MUC3A: variants seen among roughly 807,000 people sequenced by gnomAD.
MUC3A encodes the protein mucin 3A, cell surface associated.
In MUC3A, 109 loss-of-function variants were observed where a neutral mutation model predicts 109.0. The ratio of observed to expected loss-of-function variants is 1.00; its 90% confidence interval spans 0.86 to 1.17. The LOEUF is 1.17. Ranked by LOEUF, MUC3A falls within the 50% of genes most tolerant of loss-of-function variation. The probability of loss-of-function intolerance (pLI) is 0.00; values close to 1 mark genes in which losing one functional copy is unlikely to be tolerated. For missense variants in MUC3A, 3,537 were observed against 2,469.4 expected (o/e 1.43, Z -9.16); for synonymous variants, 1,398 against 981.4 (o/e 1.42, Z -7.93).
In MUC3A at chr7:100,959,709, T is replaced by C. The variant is rs774543525; in HGVS notation, c.7930T>C (p.Ser2644Pro). Residue 2644 changes from serine to proline, a missense_variant, in exon 2 of 12, where the codon TCT becomes CCT. Physicochemically the swap from Ser to Pro is moderately conservative, Grantham distance 74. Coordinates refer to ENST00000379458, the MANE Select transcript of MUC3A (RefSeq NM_005960.2). ...THSSTLQTTPSTPSLQTSLTS... is the reference protein window; with the variant it reads ...THSSTLQTTPPTPSLQTSLTS... ...TTCCTCCACCCTTCAAACAACTCCT[T>C]CTACTCCCTCATTGCAAACTTCACT... 6.3e-7 allele frequency: 1 copy of C among 1,598,544 alleles called. No individual in the cohort carries two copies. Among genetic ancestry groups the C allele is most frequent in the Non-Finnish European group, 8.5e-7 (1 of 1,179,818 alleles).
chr7:100,959,851 C>A lies in MUC3A; in HGVS notation c.8072C>A (p.Ser2691Tyr), dbSNP rs767260575. The A allele has an allele frequency of 5.7e-6, 9 of 1,565,346 alleles. No homozygotes were observed. In the African/African-American group the frequency reaches 9.4e-5, roughly 16 times the overall value. ...TCCTCAACACCCACTATTATCATGT[C>A]CTCTTCTCCATCTTCTGCCAGCATA... ...IWSSTPTIIMSSSPSSASITP... is the reference protein window; with the variant it reads ...IWSSTPTIIMYSSPSSASITP... The change falls in exon 2 of 12, where the codon TCC becomes TAC. Residue 2691 changes from serine to tyrosine, a missense_variant. By Grantham distance (144) the Ser-to-Tyr change is moderately radical (BLOSUM62 -2). Transcript: ENST00000379458.
intron 1 of MUC3A, among the ~76,000 whole-genome samples, chr7:100,951,338 C>A (rs1275109634): frequency 1.3e-5 from 2 of 152,278 alleles, no homozygotes; most frequent in Admixed American, 6.5e-5. Flanking sequence ...TGTGATGCGC[C>A]CCCTGCCAGG....
chr7:100,963,746 C>G lies in MUC3A; in HGVS notation c.9227C>G (p.Ser3076Cys). Residue 3076 changes from serine (S) to cysteine (C), a missense_variant, in exon 5 of 12, where the codon TCC (serine) becomes TGC (cysteine). Ser to Cys is a moderately radical substitution (Grantham distance 112, BLOSUM62 -1). Transcript: ENST00000379458. ...GFTFKGVEIL[S>C]LRNGSIVVDY... is the part of the protein sequence containing the mutation. Reference sequence around the variant, plus strand: ...ACCTTCAAGGGTGTGGAGATCCTGTCCCTGAGGTAGGAGACCCATCTGGGG... The same window carrying G: ...ACCTTCAAGGGTGTGGAGATCCTGTGCCTGAGGTAGGAGACCCATCTGGGG... 6.3e-7 allele frequency: 1 copy of G among 1,598,568 alleles called. No individual in the cohort carries two copies. The highest frequency in any genetic ancestry group is 8.5e-7 in the Non-Finnish European group (1 of 1,179,830).
Position 100,958,581 on chromosome 7 carries a change from C to CACA in MUC3A, c.6803_6804insCAA (p.His2268_Asp2269insAsn). On this transcript the variant is annotated inframe_insertion, in exon 2 of 12. Transcript: ENST00000379458. The stretch of plus-strand genomic sequence containing the variant: ...GATCACCACCACTGAGACCACCTCA[C>CACA]ATGATACTCCCAGCTTCACTTCTTC... The CACA allele has an allele frequency of 2.4e-6, 3 of 1,258,584 alleles. No homozygotes were observed. Among genetic ancestry groups the CACA allele is most frequent in the South Asian group, 2.6e-5 (2 of 76,474 alleles). The allele number at this position is 1,258,584 out of a possible 1,614,324, so 78.0% of individuals were successfully genotyped here.
chr7:100,960,922 G>C lies in MUC3A; in HGVS notation c.9037G>C (p.Glu3013Gln), dbSNP rs1440221801. ...TGGTTCCAGTTGTGAGTTTGCTGTG[G>C]AACAGGTGGATCTAGGTGAGTTGCC... ...FYGSSCEFAV[E>Q]QVDLDVVETE... Residue 3013 changes from glutamate to glutamine, a missense_variant, in exon 3 of 12, where the codon GAA becomes CAA. By Grantham distance (29) the Glu-to-Gln change is conservative. Coordinates refer to ENST00000379458, the MANE Select transcript of MUC3A (RefSeq NM_005960.2). 6.3e-7 allele frequency: 1 copy of C among 1,598,418 alleles called. No individual in the cohort carries two copies. Among genetic ancestry groups the C allele is most frequent in the Admixed American group, 1.7e-5 (1 of 60,012 alleles).
chr7:100,963,124 G>A, intron 3 of MUC3A, 27 bp from the exon 4 acceptor site: 1 of 1,594,322 alleles, frequency 6.3e-7, no homozygotes, highest in East Asian at 2.2e-5. Flanking sequence ...ACAGAGAAGT[G>A]ACTGGGGACA....
chr7:100,958,564 C>A lies in MUC3A; in HGVS notation c.6785C>A (p.Thr2262Asn), dbSNP rs1029444976. The A allele has an allele frequency of 5.0e-6, 1 of 200,390 alleles. No individual in the cohort carries two copies. The highest frequency in any genetic ancestry group is 6.8e-6 in the Non-Finnish European group (1 of 146,178). 12.4% of individuals were successfully genotyped at this position (200,390 alleles called of 1,614,324 possible). ...CCCAGCTTCACTTCTTCGATCACCA[C>A]CACTGAGACCACCTCACATGATACT... Reference protein sequence around the residue: ...STPSFTSSITTTETTSHDTPS... With the variant: ...STPSFTSSITNTETTSHDTPS... The change falls in exon 2 of 12, where the codon ACC becomes AAC. Residue 2262 changes from threonine to asparagine, a missense_variant. By Grantham distance (65) the Thr-to-Asn change is moderately conservative. Coordinates refer to ENST00000379458, the MANE Select transcript of MUC3A (RefSeq NM_005960.2).
rs372411935 is a variant in MUC3A at position 100,951,853 on chromosome 7, C to T, written c.74C>T (p.Thr25Met). ...GCCGCCAATGCAGGAACTTTATCCACGGCCACATCCATCTCTCAAGTGCCT... is the reference window on the plus strand; with the variant it reads ...GCCGCCAATGCAGGAACTTTATCCATGGCCACATCCATCTCTCAAGTGCCT... ...ASPWATGTLS[T>M]ATSISQVPFP... The change falls in exon 2 of 12, where the codon ACG (threonine) becomes ATG (methionine). Residue 25 changes from threonine (T) to methionine (M), a missense_variant. Coordinates refer to ENST00000379458, the MANE Select transcript of MUC3A (RefSeq NM_005960.2). 456 of 1,595,222 alleles carry T rather than the reference C, an allele frequency of 2.9e-4. No homozygotes were observed. Among genetic ancestry groups the T allele is most frequent in the Admixed American group, 6.0e-4 (36 of 59,958 alleles).
At chr7:100,962,581 C>T (rs1792364816) in intron 3 of MUC3A, among the ~76,000 whole-genome samples, 1 of 152,306 alleles carries the variant, frequency 6.6e-6, no homozygotes. Flanking sequence ...CGCTATCTTT[C>T]TGCCTGCTTT....
chr7:100,959,113 C>G lies in MUC3A; in HGVS notation c.7334C>G (p.Ser2445Cys). 1.9e-6 allele frequency: 3 copies of G among 1,596,886 alleles called. No homozygotes were observed. Among genetic ancestry groups the G allele is most frequent in the South Asian group, 2.2e-5 (2 of 91,006 alleles). Residue 2445 changes from serine to cysteine, a missense_variant, in exon 2 of 12, where the codon TCT becomes TGT. Ser to Cys is a moderately radical substitution (Grantham distance 112). Transcript: ENST00000379458. ...TCAGAGAGTACTCCCAGCCTCAGTT[C>G]TTCAACCATCTACTCCACAGTCAGC... ...TTSESTPSLSSSTIYSTVSTS... is the reference protein window; with the variant it reads ...TTSESTPSLSCSTIYSTVSTS...
In MUC3A at chr7:100,966,489, G is replaced by GTGC. The variant is rs779098676; in HGVS notation, c.9727_9729dup (p.Leu3243dup). 6.1e-6 allele frequency: 8 copies of GTGC among 1,320,986 alleles called. No homozygotes were observed. Among genetic ancestry groups the GTGC allele is most frequent in the Non-Finnish European group, 6.7e-6 (7 of 1,045,326 alleles). 81.8% of individuals were successfully genotyped at this position (1,320,986 alleles called of 1,614,324 possible). A position where few individuals can be genotyped will look rare whatever the true frequency, so the allele number is the denominator to read the frequency against. On this transcript the variant is annotated inframe_insertion, in exon 9 of 12. Transcript: ENST00000379458. ...CCTGACGGCCGGCGCCGCGCTGCTG[G>GTGC]TGCTGCTGCTGCTGGCGCTGGGCGT...
In MUC3A at chr7:100,956,976, A is replaced by G. The variant is rs975975188; in HGVS notation, c.5197A>G (p.Thr1733Ala). The G allele has an allele frequency of 7.4e-4, 316 of 429,778 alleles. No homozygotes were observed. The highest frequency in any genetic ancestry group is 6.1e-3 in the African/African-American group (301 of 48,956). 26.6% of individuals were successfully genotyped at this position (429,778 alleles called of 1,614,324 possible). A position where few individuals can be genotyped will look rare whatever the true frequency, so the allele number is the denominator to read the frequency against. Residue 1733 changes from threonine to alanine, a missense_variant, in exon 2 of 12, where the codon ACA becomes GCA. By Grantham distance (58) the Thr-to-Ala change is moderately conservative (BLOSUM62 0). Transcript: ENST00000379458. ...AGGTCAGACTACATTCACCAGTTCA[A>G]CAGCCACATCCCCTAAGACCACCAC... ...GTGQTTFTSS[T>A]ATSPKTTTLT...
At position 100,966,745 on chromosome 7, in the gene MUC3A, T is replaced by A. The variant is rs750087861; in HGVS notation, c.9877+2T>A. On this transcript the variant is annotated splice_donor_variant, in intron 10 of 11. Coordinates refer to ENST00000379458, the MANE Select transcript of MUC3A (RefSeq NM_005960.2). LOFTEE classifies it high-confidence loss of function. ...GGGGTTTCGAGGACGACGGAACAGG[T>A]GAGTCCTGCCTCCTGGGGAAGCAGG... 2 of 1,598,550 alleles carry A rather than the reference T, an allele frequency of 1.3e-6. No homozygotes were observed. The highest frequency in any genetic ancestry group is 1.7e-6 in the Non-Finnish European group (2 of 1,179,828).
intron 8 of MUC3A, chr7:100,966,179 T>A: frequency 3.8e-6 from 2 of 533,202 alleles, no homozygotes; most frequent in East Asian, 7.0e-5. Context: ...CCTGCCCACT[T>A]GATCTAAGGT....
In MUC3A at chr7:100,959,898, A is replaced by T; in HGVS notation, c.8119A>T (p.Ile2707Phe). 6.5e-7 allele frequency: 1 copy of T among 1,534,798 alleles called. No homozygotes were observed. Among genetic ancestry groups the T allele is most frequent in the Non-Finnish European group, 8.7e-7 (1 of 1,150,384 alleles). ...CATAACTCCAGTGTTTTCCACTACC[A>T]TTCATTCTGTTCCTTCTTCACCATA... ...ASITPVFSTTIHSVPSSPYIF... is the reference protein window; with the variant it reads ...ASITPVFSTTFHSVPSSPYIF... Residue 2707 changes from isoleucine (I) to phenylalanine (F), a missense_variant, in exon 2 of 12, where the codon ATT becomes TTT. Coordinates refer to ENST00000379458, the MANE Select transcript of MUC3A (RefSeq NM_005960.2).
rs1792610524 is a variant in MUC3A, at chr7:100,967,058, T to G, written c.9931-63T>G. ...GAGGGGGCTGGGCTCGGATCAGCAGTGACCTCCCTGTCAGCCCAAACCAGT... is the reference window on the plus strand; with the variant it reads ...GAGGGGGCTGGGCTCGGATCAGCAGGGACCTCCCTGTCAGCCCAAACCAGT... On this transcript the variant is annotated intron_variant, in intron 11 of 11. Coordinates refer to ENST00000379458, the MANE Select transcript of MUC3A (RefSeq NM_005960.2). 1.9e-6 allele frequency: 3 copies of G among 1,598,474 alleles called. No individual in the cohort carries two copies. In the South Asian group the frequency reaches 3.3e-5, roughly 18 times the overall value.
In MUC3A at chr7:100,964,928, G is replaced by A. The variant is rs587705920; in HGVS notation, c.9382+85G>A. The stretch of plus-strand genomic sequence containing the variant: ...TCAGCCAGGGGGCCACTGGGCTCAG[G>A]TGCCAGCCCTGTGGTACCTCTGGCA... On this transcript the variant is annotated intron_variant, in intron 6 of 11. Transcript: ENST00000379458. The A allele has an allele frequency of 7.4e-6, 11 of 1,491,130 alleles. No individual in the cohort carries two copies. In the African/African-American group the frequency reaches 8.3e-5, roughly 11 times the overall value. 92.4% of individuals were successfully genotyped at this position (1,491,130 alleles called of 1,614,324 possible).
rs187650197 is a variant in MUC3A, at chr7:100,967,560, T to G, written c.*398T>G. The G allele has an allele frequency of 4.0e-4, 176 of 438,438 alleles. No homozygotes were observed. The highest frequency in any genetic ancestry group is 3.3e-3 in the African/African-American group (165 of 50,440). 27.2% of individuals were successfully genotyped at this position (438,438 alleles called of 1,614,324 possible). On this transcript the variant is annotated 3_prime_UTR_variant, in exon 12 of 12. Transcript: ENST00000379458. ...TTGCCTCTCTCGGATCCTCCAATCC[T>G]CACGTCCTTCACCTGGTCTCTGGCC...
intron 6 of MUC3A, chr7:100,965,057 ATG>A: frequency 2.7e-6 from 3 of 1,103,650 alleles, no homozygotes; most frequent in East Asian, 2.6e-5. Flanking sequence ...CCTGATTGTC[ATG>A]GTCAGCATTT....
Sources: gnomAD v4.1 joint callset for allele counts (sites outside exome capture counted in the v4.1 genomes callset) on GRCh38, gnomAD v4.1.1 for gene constraint, MANE v1.5 for transcripts, NCBI Gene and HGNC (gene_info 2026-07-23, HGNC 2026-07-21) for gene names.